AKAP9: variants seen among roughly 807,000 people sequenced by gnomAD.
AKAP9 encodes the protein A-kinase anchor protein 9.
In AKAP9, 311 loss-of-function variants were observed where a neutral mutation model predicts 488.5. The ratio of observed to expected loss-of-function variants is 0.64; its 90% CI spans 0.58 to 0.70. AKAP9 has a LOEUF of 0.70. AKAP9 is among the 30% of genes least tolerant of loss of function. The probability of loss-of-function intolerance (pLI) is 0.00; values close to 1 mark genes in which losing one functional copy is unlikely to be tolerated. For missense variants in AKAP9, 4,215 were observed against 4,374.5 expected, an observed-to-expected ratio of 0.96 and a Z score of 1.03; for synonymous variants, 1,462 against 1,483.5, an observed-to-expected ratio of 0.99 and a Z score of 0.33.
chr7:91,977,292 C>T (rs1396595952), intron 2 of AKAP9, among the ~76,000 whole-genome samples: 1 of 151,944 alleles, frequency 6.6e-6, no homozygotes, highest in Non-Finnish European at 1.5e-5. Context: ...CGCGGTGGCT[C>T]ATGCCTGTAA....
At chr7:91,951,791 T>C (rs1198604385) in intron 1 of AKAP9, among the ~76,000 whole-genome samples, 1 of 152,154 alleles carries the variant, frequency 6.6e-6, no homozygotes, top group Admixed American at 6.5e-5. Flanking sequence ...ACTTTTTAAA[T>C]TAAAAATTTG....
In AKAP9 at chr7:92,017,057, A is replaced by C. The variant is rs1413077434; in HGVS notation, c.3792A>C (p.Thr1264=). ...ENMHTLLNKV[T]EEYNKLLVLQ... is the part of the protein sequence containing the mutation. Reference sequence around the variant, plus strand: ...TGCACACTCTTCTCAACAAAGTAACAGAAGAATACAACAAACTCTTGGTAC... The same window carrying C: ...TGCACACTCTTCTCAACAAAGTAACCGAAGAATACAACAAACTCTTGGTAC... Residue 1264 remains threonine (T), a synonymous_variant, in exon 12 of 50, where the codon ACA becomes ACC. Transcript: ENST00000356239. The C allele has an allele frequency of 1.9e-6, 3 of 1,592,198 alleles. No individual in the cohort carries two copies. The East Asian group carries it at 6.7e-5, about 36-fold the overall frequency.
chr7:92,038,338 A>G, intron 16 of AKAP9, 81 bp from the exon 17 acceptor site: 1 of 1,143,580 alleles, frequency 8.7e-7, no homozygotes, highest in Non-Finnish European at 1.3e-6. Flanking sequence ...TGTTTATACA[A>G]TTTTGAGTAC....
intron 3 of AKAP9, among the ~76,000 whole-genome samples, chr7:91,990,704 G>T (rs151249524): frequency 6.6e-6 from 1 of 152,168 alleles, no homozygotes; most frequent in Admixed American, 6.5e-5. Context: ...AATACTGACA[G>T]TTATTACAAA....
Position 92,001,901 on chromosome 7 carries a change from C to A in AKAP9, c.1984C>A (p.His662Asn). 6.2e-7 allele frequency: 1 copy of A among 1,612,126 alleles called. No individual in the cohort carries two copies. The highest frequency in any genetic ancestry group is 1.1e-5 in the South Asian group (1 of 90,908). Residue 662 changes from histidine to asparagine, a missense_variant, in exon 8 of 50, where the codon CAC (histidine) becomes AAC (asparagine). By Grantham distance (68) the His-to-Asn change is moderately conservative (BLOSUM62 1). This residue lies in a region of AKAP9 where 2,361 missense variants were observed against 2,430.0 expected (regional missense o/e 0.97). Transcript: ENST00000356239. ...IEKLKDNLGIHYKQQIDGLQN... is the reference protein window; with the variant it reads ...IEKLKDNLGINYKQQIDGLQN... ...AAAACTTAAAGATAATTTAGGCATT[C>A]ACTATAAACAGCAGATAGATGGTTT...
At chr7:92,080,929 A>T (rs1421228752) in intron 31 of AKAP9, among the ~76,000 whole-genome samples, 1 of 152,196 alleles carries the variant, frequency 6.6e-6, no homozygotes. Flanking sequence ...AGTTCCTTAC[A>T]TAGGAACTCA....
At chr7:91,994,024 G>C (rs78548224) in intron 5 of AKAP9, among the ~76,000 whole-genome samples, 24 of 152,288 alleles carry the variant, frequency 1.6e-4, no homozygotes, top group Non-Finnish European at 3.1e-4. Context: ...AGTTACTTGG[G>C]AGGCTGAGAC....
chr7:92,078,020 A>C (rs1026081772), intron 30 of AKAP9, 145 bp downstream of exon 30: 1 of 533,402 alleles, frequency 1.9e-6, no homozygotes, highest in Non-Finnish European at 2.8e-6. Context: ...TTTTTGAGAC[A>C]GAATCTCGCT....
intron 49 of AKAP9, 129 bp downstream of exon 49, chr7:92,108,762 G>A (rs762162030): frequency 8.9e-7 from 1 of 1,118,912 alleles, no homozygotes; most frequent in South Asian, 1.3e-5. Context: ...TAATTATTAA[G>A]TTAGCCAAAG....
At chr7:92,021,959 A>G (rs574198771) in intron 12 of AKAP9, among the ~76,000 whole-genome samples, 2 of 152,342 alleles carry the variant, frequency 1.3e-5, no homozygotes, top group African/African-American at 4.8e-5. Context: ...CTTTCTACCA[A>G]AATTCTCAGA....
Position 92,070,220 on chromosome 7 carries a change from T to C in AKAP9, c.6507+14T>C, listed in dbSNP as rs1447040413. ...ACTTTTCAAAAGGTGTGGCATTTTA[T>C]TTGGGCTAACTTAATAAGTGTTTTA... On this transcript the variant is annotated intron_variant, in intron 27 of 49. Transcript: ENST00000356239. 1 of 1,613,716 alleles carries C rather than the reference T, an allele frequency of 6.2e-7. No individual in the cohort carries two copies. The highest frequency in any genetic ancestry group is 1.1e-5 in the South Asian group (1 of 91,038).
At chr7:92,066,249 T>C (rs566076783) in intron 25 of AKAP9, among the ~76,000 whole-genome samples, 178 bp from the exon 26 acceptor site, 2 of 152,314 alleles carry the variant, frequency 1.3e-5, no homozygotes, top group Admixed American at 1.3e-4. Flanking sequence ...AAATAGGCTA[T>C]ATGGCATATA....
intron 9 of AKAP9, 77 bp downstream of exon 9, chr7:92,012,719 C>T (rs1800919595): frequency 7.9e-7 from 1 of 1,266,704 alleles, no homozygotes. Context: ...TAATTTTTTC[C>T]TTGTCATAGA....
At chr7:92,076,742 T>C (rs1812645855) in intron 28 of AKAP9, 113 bp from the exon 29 acceptor site, 6 of 615,972 alleles carry the variant, frequency 9.7e-6, no homozygotes, top group Admixed American at 3.4e-5. Context: ...TTTATTCTTA[T>C]GACTCATGTT....
intron 16 of AKAP9, among the ~76,000 whole-genome samples, chr7:92,038,105 A>G (rs549568603): frequency 6.6e-6 from 1 of 152,314 alleles, no homozygotes; most frequent in East Asian, 1.9e-4. Flanking sequence ...AAATGTTTAC[A>G]TTGATTTTTC....
chr7:92,061,584 C>CTATATATATATATATATATATATATA lies in AKAP9; in HGVS notation c.5764+173_5764+198dup, dbSNP rs71528033. The stretch of plus-strand genomic sequence containing the variant: ...GAGTTCCTCCAAGCAATTTTTAAAA[C>CTATATATATATATATATATATATATA]TATATATATATATATATATATATAT... On this transcript the variant is annotated intron_variant, in intron 23 of 49. Coordinates refer to ENST00000356239, the MANE Select transcript of AKAP9 (RefSeq NM_005751.5). Among the ~76,000 whole-genome samples, 12 of 102,466 alleles carry CTATATATATATATATATATATATATA rather than the reference C, an allele frequency of 1.2e-4. 1 individual carries two copies. Among genetic ancestry groups the CTATATATATATATATATATATATATA allele is most frequent in the East Asian group, 3.8e-4 (1 of 2,610 alleles). The allele number at this position is 102,466 out of a possible 152,430, so 67.2% of individuals were successfully genotyped here. A position where few individuals can be genotyped will look rare whatever the true frequency, so the allele number is the denominator to read the frequency against.
In AKAP9 at chr7:92,080,247, A is replaced by G. The variant is rs1019403456; in HGVS notation, c.8019+95A>G. 4.1e-6 allele frequency: 4 copies of G among 971,648 alleles called. No individual in the cohort carries two copies. In the African/African-American group the frequency reaches 5.0e-5, roughly 12 times the overall value. 60.2% of individuals were successfully genotyped at this position (971,648 alleles called of 1,614,324 possible). ...TATGGTGTTCTGTTTACATCTAACA[A>G]TTTATACAAGAAGGTTTTTATAAAA... On this transcript the variant is annotated intron_variant, in intron 31 of 49. Transcript: ENST00000356239.
In AKAP9 at chr7:92,003,203, C is replaced by G. The variant is rs765561136; in HGVS notation, c.3286C>G (p.Gln1096Glu). The change falls in exon 8 of 50, where the codon CAG becomes GAG. Residue 1096 changes from glutamine (Q) to glutamate (E), a missense_variant. Transcript: ENST00000356239. Reference sequence around the variant, plus strand: ...TCAACCAAGTGAAAATGATAAACTTCAGAAAGAACTCAATGTACTTAAATC... The same window carrying G: ...TCAACCAAGTGAAAATGATAAACTTGAGAAAGAACTCAATGTACTTAAATC... ...ATQPSENDKL[Q>E]KELNVLKSEQ... is the part of the protein sequence containing the mutation. 2 of 1,608,604 alleles carry G rather than the reference C, an allele frequency of 1.2e-6. No individual in the cohort carries two copies. Among genetic ancestry groups the G allele is most frequent in the South Asian group, 2.2e-5 (2 of 90,526 alleles).
rs1354626220 is a variant in AKAP9, at chr7:92,040,643, ATTG to A, written c.4693-28_4693-26del. The A allele has an allele frequency of 4.9e-6, 6 of 1,219,828 alleles. No homozygotes were observed. In the East Asian group the frequency reaches 7.7e-5, roughly 16 times the overall value. 75.6% of individuals were successfully genotyped at this position (1,219,828 alleles called of 1,614,324 possible). On this transcript the variant is annotated intron_variant, in intron 17 of 49. Transcript: ENST00000356239. ...TTTTTACAAAATGTGTTATGGTTGA[ATTG>A]TTTTTTTTTTTTTTTTTACTATTAA...
Sources: gnomAD v4.1 joint callset for allele counts (sites outside exome capture counted in the v4.1 genomes callset) on GRCh38, gnomAD v4.1.1 for gene constraint, gnomAD v4.1.1 regional missense constraint, MANE v1.5 for transcripts, NCBI Gene and HGNC (gene_info 2026-07-23, HGNC 2026-07-21) for gene names.